TULP4: variants seen among roughly 807,000 people sequenced by gnomAD.
TULP4 encodes the protein tubby-related protein 4.
TULP4 carries 16 observed loss-of-function variants against 129.0 expected under a neutral mutation model. That is an observed-to-expected ratio of 0.12 (90% CI 0.08 to 0.19). The LOEUF (loss-of-function observed/expected upper bound fraction) is 0.19, where lower values mean the gene tolerates loss of function less well. Among genes scored for constraint, TULP4 ranks in the 10% least tolerant of loss-of-function variants. The probability of loss-of-function intolerance (pLI) is 1.00; values close to 1 mark genes in which losing one functional copy is unlikely to be tolerated. For missense variants in TULP4, 1,842 were observed against 2,059.1 expected (o/e 0.89, Z 2.04); for synonymous variants, 998 against 854.0 (o/e 1.17, Z -2.94).
intron 1 of TULP4, among the ~76,000 whole-genome samples, chr6:158,350,372 A>G (rs1318369796): frequency 6.6e-6 from 1 of 152,008 alleles, no homozygotes; most frequent in Non-Finnish European, 1.5e-5. Flanking sequence ...AGGCCAAGGC[A>G]GGCGGCTGGG....
At chr6:158,325,871 G>A (rs973071071) in intron 1 of TULP4, among the ~76,000 whole-genome samples, 4 of 152,030 alleles carry the variant, frequency 2.6e-5, no homozygotes, top group Admixed American at 6.5e-5. Context: ...ATGAAAAATA[G>A]CAATGTTCTA....
At chr6:158,340,932 T>G (rs1440485740) in intron 1 of TULP4, among the ~76,000 whole-genome samples, 1 of 152,178 alleles carries the variant, frequency 6.6e-6, no homozygotes, top group Admixed American at 6.5e-5. Context: ...ATTTTAAGGC[T>G]CTCTCTGTTT....
chr6:158,474,424 A>G (rs1429398992), intron 6 of TULP4, among the ~76,000 whole-genome samples: 2 of 152,070 alleles, frequency 1.3e-5, no homozygotes, highest in Non-Finnish European at 2.9e-5. Flanking sequence ...TTCCTCCTAC[A>G]TTTTCAGAAG....
Position 158,413,020 on chromosome 6 carries a change from A to G in TULP4, c.253-45A>G. On this transcript the variant is annotated intron_variant, in intron 1 of 13. Transcript: ENST00000367097. This position sits in a 1 kb window ranked among gnomAD's most constrained non-coding sequence, Gnocchi z 4.9. ...CACATCACAGAAATAATCCTGGCCC[A>G]CAGATTTATTTCCTGTGGTAAATGT... The G allele has an allele frequency of 6.3e-7, 1 of 1,576,232 alleles. No individual in the cohort carries two copies. Among genetic ancestry groups the G allele is most frequent in the Non-Finnish European group, 8.6e-7 (1 of 1,157,942 alleles).
chr6:158,492,288 T>G (rs1780234267), intron 9 of TULP4, among the ~76,000 whole-genome samples: 1 of 152,244 alleles, frequency 6.6e-6, no homozygotes, highest in Non-Finnish European at 1.5e-5. Flanking sequence ...TTACCTAAGG[T>G]CATGAAGCCT....
At chr6:158,309,589 A>T (rs1043651313), upstream of TULP4, among the ~76,000 whole-genome samples, 4 of 152,084 alleles carry the variant, frequency 2.6e-5, no homozygotes, top group Non-Finnish European at 5.9e-5. Context: ...ACTGCACTCC[A>T]GCCTGGGCAC....
intron 1 of TULP4, chr6:158,238,354 G>A: frequency 1.4e-6 from 1 of 738,054 alleles, no homozygotes; most frequent in Non-Finnish European, 2.4e-6. Context: ...TAAACTGGCA[G>A]ATATTTTGAG....
intron 5 of TULP4, among the ~76,000 whole-genome samples, chr6:158,459,731 A>G (rs62438580): frequency 0.17 from 25,116 of 152,216 alleles, 2,672 homozygotes; most frequent in Middle Eastern, 0.25. Context: ...TATTTCTACA[A>G]TATTACAATG....
chr6:158,402,534 T>C (rs769314206), intron 1 of TULP4, among the ~76,000 whole-genome samples: 2 of 152,210 alleles, frequency 1.3e-5, no homozygotes, highest in Non-Finnish European at 2.9e-5. Context: ...GAATAGAGAA[T>C]CATACTCAAA....
chr6:158,315,541 G>A (rs750031117), intron 1 of TULP4, among the ~76,000 whole-genome samples: 72 of 152,208 alleles, frequency 4.7e-4, no homozygotes, highest in Admixed American at 1.8e-3. Context: ...AGTCACCCAT[G>A]TAAGCGCCAA....
intron 10 of TULP4, among the ~76,000 whole-genome samples, chr6:158,494,282 C>T (rs1780277607): frequency 6.6e-6 from 1 of 152,124 alleles, no homozygotes; most frequent in African/African-American, 2.4e-5. Flanking sequence ...GGTTTAAGCT[C>T]CTTAAGGGGC....
At chr6:158,359,461 C>T (rs1331610695) in intron 1 of TULP4, among the ~76,000 whole-genome samples, 1 of 152,148 alleles carries the variant, frequency 6.6e-6, no homozygotes, top group African/African-American at 2.4e-5. Flanking sequence ...GCAAGGAAGC[C>T]AGTCTGAGTC....
At chr6:158,476,294 A>AAATTAATT (rs1411221684) in intron 6 of TULP4, among the ~76,000 whole-genome samples, 5 of 152,260 alleles carry the variant, frequency 3.3e-5, no homozygotes, top group African/African-American at 1.2e-4. Flanking sequence ...AATTTAATGT[A>AAATTAATT]AATTCCTGTG....
intron 1 of TULP4, among the ~76,000 whole-genome samples, chr6:158,358,536 A>G (rs1288888978): frequency 6.6e-6 from 1 of 152,236 alleles, no homozygotes; most frequent in Non-Finnish European, 1.5e-5. Context: ...ACTGTGCATA[A>G]CAGAGATATT....
chr6:158,502,528 C>A lies in TULP4; in HGVS notation c.2865C>A (p.Thr955=). Residue 955 remains threonine (T), a synonymous_variant, in exon 13 of 14, where the codon ACC becomes ACA. Transcript: ENST00000367097. ...CCGTCCCTCGCTACTCCATCCCCACCGGGGACCCACCCCCGTATCCTGAAA... is the reference window on the plus strand; with the variant it reads ...CCGTCCCTCGCTACTCCATCCCCACAGGGGACCCACCCCCGTATCCTGAAA... ...RLTVPRYSIP[T]GDPPPYPEIA... The A allele has an allele frequency of 6.2e-7, 1 of 1,611,046 alleles. No homozygotes were observed. Among genetic ancestry groups the A allele is most frequent in the Non-Finnish European group, 8.5e-7 (1 of 1,179,892 alleles).
At chr6:158,288,877 A>G (rs542178575) in intron 1 of TULP4, among the ~76,000 whole-genome samples, 19 of 152,326 alleles carry the variant, frequency 1.2e-4, no homozygotes, top group East Asian at 1.2e-3. Flanking sequence ...TTTTAGTATG[A>G]TGAATTATAT....
chr6:158,498,820 C>T lies in TULP4; in HGVS notation c.2014+8C>T, dbSNP rs765959064. On this transcript the variant is annotated splice_region_variant and intron_variant, in intron 12 of 13. Coordinates refer to ENST00000367097, the MANE Select transcript of TULP4 (RefSeq NM_020245.5). ...ATGAAGATGATTTACCAGGTGTGTT[C>T]ACATACATCAACGTGTTTGTCACGG... 1 of 1,613,696 alleles carries T rather than the reference C, an allele frequency of 6.2e-7. No homozygotes were observed. The highest frequency in any genetic ancestry group is 8.5e-7 in the Non-Finnish European group (1 of 1,179,678).
intron 1 of TULP4, among the ~76,000 whole-genome samples, chr6:158,371,737 A>G (rs1267433160): frequency 6.6e-6 from 1 of 152,260 alleles, no homozygotes; most frequent in African/African-American, 2.4e-5. Context: ...AAGAAGCACT[A>G]GATCTGCATA....
chr6:158,335,274 C>G (rs1257593606), intron 1 of TULP4, among the ~76,000 whole-genome samples: 1 of 121,558 alleles, frequency 8.2e-6, no homozygotes, highest in African/African-American at 3.1e-5. Flanking sequence ...GAGACTGTCT[C>G]AAAAAAAAAA....
Sources: gnomAD v4.1 joint callset for allele counts (sites outside exome capture counted in the v4.1 genomes callset) on GRCh38, gnomAD v4.1.1 for gene constraint, Gnocchi (gnomAD v3.1) non-coding constraint, MANE v1.5 for transcripts, NCBI Gene and HGNC (gene_info 2026-07-23, HGNC 2026-07-21) for gene names.